ZC3H3: variants seen among roughly 807,000 people sequenced by gnomAD.
ZC3H3 encodes the protein zinc finger CCCH domain-containing protein 3.
ZC3H3 carries 36 observed loss-of-function variants against 77.3 expected under a neutral mutation model. The observed-to-expected ratio is 0.47, with a 90% confidence interval of 0.36 to 0.61. ZC3H3 has a LOEUF of 0.61. ZC3H3 is among the 20% of genes least tolerant of loss of function. ZC3H3 has a pLI of 0.00. For synonymous variants in ZC3H3, 626 were observed against 555.2 expected, an observed-to-expected ratio of 1.13 and a Z score of -1.79; for missense variants, 1,331 against 1,312.2, an observed-to-expected ratio of 1.01 and a Z score of -0.22.
chr8:143,507,761 C>T lies in ZC3H3; in HGVS notation c.1700G>A (p.Arg567Gln), dbSNP rs373480939. The T allele has an allele frequency of 3.4e-5, 53 of 1,581,734 alleles. No individual in the cohort carries two copies. Among genetic ancestry groups the T allele is most frequent in the Admixed American group, 1.7e-4 (10 of 59,086 alleles). Residue 567 changes from arginine (R) to glutamine (Q), a missense_variant, in exon 4 of 12, where the codon CGG (arginine) becomes CAG (glutamine). By Grantham distance (43) the Arg-to-Gln change is conservative. This residue lies in a region of ZC3H3 where 978 missense variants were observed against 915.5 expected (regional missense o/e 1.07). Coordinates refer to ENST00000262577, the MANE Select transcript of ZC3H3 (RefSeq NM_015117.3). Reference sequence around the variant, plus strand: ...GCCTTCCTACCTGGATAGTGAGAGCCGCCGGGCCCGCCAGGAGGGCAGAGA... The same window carrying T: ...GCCTTCCTACCTGGATAGTGAGAGCTGCCGGGCCCGCCAGGAGGGCAGAGA... The part of the protein sequence containing the change: ...PLSLPSWRAR[R>Q]LSLSRSLVLN...
intron 4 of ZC3H3, among the ~76,000 whole-genome samples, chr8:143,478,561 G>A (rs563726116): frequency 3.6e-4 from 55 of 152,362 alleles, no homozygotes; most frequent in Middle Eastern, 3.4e-3. Flanking sequence ...CCAGGCTAGA[G>A]TGCAATGGTG....
chr8:143,538,536 G>A lies in ZC3H3; in HGVS notation c.831C>T (p.Gly277=). The change falls in exon 2 of 12, where the codon GGC becomes GGT. Residue 277 remains glycine, a synonymous_variant. Transcript: ENST00000262577. ...CCGGTCTGGCGGGGCCCCCCACTGA[G>A]CCAGACGGAACTGGCTGATCTGTGT... is the stretch of plus-strand genomic sequence containing the variant. ...AGHTDQPVPS[G]SVGGPARPAS... is the part of the protein sequence containing the mutation. 6 of 1,612,046 alleles carry A rather than the reference G, an allele frequency of 3.7e-6. No homozygotes were observed. In the South Asian group the frequency reaches 5.5e-5, roughly 15 times the overall value.
chr8:143,476,034 C>T (rs1025207110), intron 4 of ZC3H3, among the ~76,000 whole-genome samples: 12 of 152,186 alleles, frequency 7.9e-5, no homozygotes, highest in Admixed American at 2.6e-4. Flanking sequence ...AAGGTGTCTG[C>T]GTGTTGGTGA....
intron 5 of ZC3H3, among the ~76,000 whole-genome samples, chr8:143,471,841 T>C (rs1820574443): frequency 1.3e-5 from 2 of 152,250 alleles, no homozygotes; most frequent in South Asian, 4.1e-4. Flanking sequence ...ATTTCTTTAA[T>C]TATTATTCCT....
chr8:143,447,288 C>T lies in ZC3H3; in HGVS notation c.2308-6168G>A, dbSNP rs79749075. On this transcript the variant is annotated intron_variant, in intron 9 of 11. Coordinates refer to ENST00000262577, the MANE Select transcript of ZC3H3 (RefSeq NM_015117.3). ...CCCCAGCAGAGTTGCCAGCTTCCTT[C>T]CCACTGTCCAAAATCAAAGCTGCCC... 4.8e-4 allele frequency among the ~76,000 whole-genome samples: 73 copies of T among 152,354 alleles called. No individual in the cohort carries two copies. In the East Asian group the frequency reaches 0.012, roughly 25 times the overall value.
intron 3 of ZC3H3, among the ~76,000 whole-genome samples, chr8:143,508,846 C>T (rs1437697156): frequency 2.0e-5 from 3 of 152,172 alleles, no homozygotes; most frequent in Non-Finnish European, 4.4e-5. Context: ...CTGCCCAGGA[C>T]ACACCCTCTT....
chr8:143,477,756 C>G (rs1371894053), intron 4 of ZC3H3, among the ~76,000 whole-genome samples: 1 of 152,230 alleles, frequency 6.6e-6, no homozygotes, highest in Non-Finnish European at 1.5e-5. Flanking sequence ...GCCCAGGGCC[C>G]TGCACCAGCC....
chr8:143,483,452 T>C (rs1453441958), intron 4 of ZC3H3, among the ~76,000 whole-genome samples: 1 of 152,142 alleles, frequency 6.6e-6, no homozygotes, highest in Non-Finnish European at 1.5e-5. Flanking sequence ...GAGGTGGTTC[T>C]ACTGGACAGA....
At chr8:143,524,450 C>T (rs1435619791) in intron 3 of ZC3H3, among the ~76,000 whole-genome samples, 3 of 152,238 alleles carry the variant, frequency 2.0e-5, no homozygotes, top group Non-Finnish European at 2.9e-5. Context: ...TCAGACACAC[C>T]CGGCCGAGGG....
chr8:143,468,455 G>T lies in ZC3H3; in HGVS notation c.2032C>A (p.Arg678Ser). 1 of 1,610,318 alleles carries T rather than the reference G, an allele frequency of 6.2e-7. No homozygotes were observed. Among genetic ancestry groups the T allele is most frequent in the Non-Finnish European group, 8.5e-7 (1 of 1,178,932 alleles). The change falls in exon 7 of 12, where the codon CGC (arginine) becomes AGC (serine). Residue 678 changes from arginine to serine, a missense_variant. Arg to Ser is a moderately radical substitution (Grantham distance 110). Transcript: ENST00000262577. ...TCGCCACGGTTGCACCTGCCGAAGCGGTTGTAGTACATGCAGTACTCCTTC... is the reference window on the plus strand; with the variant it reads ...TCGCCACGGTTGCACCTGCCGAAGCTGTTGTAGTACATGCAGTACTCCTTC... Reference protein sequence around the residue: ...KRKEYCMYYNRFGRCNRGERC... With the variant: ...KRKEYCMYYNSFGRCNRGERC...
chr8:143,528,151 C>T (rs1822479719), intron 3 of ZC3H3, among the ~76,000 whole-genome samples: 1 of 152,220 alleles, frequency 6.6e-6, no homozygotes, highest in African/African-American at 2.4e-5. Flanking sequence ...CAAGCCCACC[C>T]TGGCAACCAC....
intron 5 of ZC3H3, among the ~76,000 whole-genome samples, chr8:143,471,611 G>A (rs922219000): frequency 3.3e-5 from 5 of 152,236 alleles, no homozygotes; most frequent in African/African-American, 9.6e-5. Flanking sequence ...TCTGTGGGGA[G>A]GGACCCTGGA....
chr8:143,475,240 G>C (rs907912573), intron 5 of ZC3H3, among the ~76,000 whole-genome samples, 158 bp downstream of exon 5: 4 of 152,226 alleles, frequency 2.6e-5, no homozygotes, highest in Non-Finnish European at 5.9e-5. Flanking sequence ...CTGGCTCCCT[G>C]GGAGCATGAG....
Position 143,461,746 on chromosome 8 carries a change from T to G in ZC3H3, c.2307+3971A>C, listed in dbSNP as rs142382151. Among the ~76,000 whole-genome samples the G allele has an allele frequency of 6.8e-3, 1,037 of 152,080 alleles. 8 individuals are homozygous for G. The highest frequency in any genetic ancestry group is 0.023 in the African/African-American group (934 of 41,454). Reference sequence around the variant, plus strand: ...GCCAAACAACCATGTACTGTATGATTCCAGCAACACGAAAGGCCCACAGAA... The same window carrying G: ...GCCAAACAACCATGTACTGTATGATGCCAGCAACACGAAAGGCCCACAGAA... On this transcript the variant is annotated intron_variant, in intron 9 of 11. Coordinates refer to ENST00000262577, the MANE Select transcript of ZC3H3 (RefSeq NM_015117.3).
rs116930274 is a variant in ZC3H3 at position 143,507,879 on chromosome 8, G to T, written c.1582C>A (p.Arg528=). The part of the protein sequence containing the change: ...TKEASSLHAV[R]TAPTSKVIKT... ...ATCACCTTGCTGGTGGGTGCAGTCC[G>T]CACGGCATGCAGGCTGGACGCTGTA... is the stretch of plus-strand genomic sequence containing the variant. Residue 528 remains arginine, a synonymous_variant, in exon 4 of 12, where the codon CGG becomes AGG. Coordinates refer to ENST00000262577, the MANE Select transcript of ZC3H3 (RefSeq NM_015117.3). 2 of 1,600,650 alleles carry T rather than the reference G, an allele frequency of 1.2e-6. No homozygotes were observed. The highest frequency in any genetic ancestry group is 1.7e-4 in the Middle Eastern group (1 of 5,994).
intron 5 of ZC3H3, among the ~76,000 whole-genome samples, 157 bp downstream of exon 5, chr8:143,475,241 G>A (rs940792331): frequency 1.3e-5 from 2 of 152,232 alleles, no homozygotes; most frequent in South Asian, 4.1e-4. Flanking sequence ...TGGCTCCCTG[G>A]GAGCATGAGG....
At chr8:143,454,063 C>T (rs906035403) in intron 9 of ZC3H3, among the ~76,000 whole-genome samples, 1 of 144,950 alleles carries the variant, frequency 6.9e-6, no homozygotes, top group African/African-American at 2.6e-5. Context: ...CAGAAATAAA[C>T]AATTCATAAC....
chr8:143,516,701 G>A (rs1822063076), intron 3 of ZC3H3, among the ~76,000 whole-genome samples: 1 of 152,092 alleles, frequency 6.6e-6, no homozygotes, highest in South Asian at 2.1e-4. Flanking sequence ...TGGGAGGCTG[G>A]GCCCCAGCAC....
At chr8:143,479,705 C>G (rs185769837) in intron 4 of ZC3H3, among the ~76,000 whole-genome samples, 2 of 152,318 alleles carry the variant, frequency 1.3e-5, no homozygotes, top group African/African-American at 2.4e-5. Flanking sequence ...AAGCAGCCAG[C>G]CAATTTACTC....
Sources: gnomAD v4.1 joint callset for allele counts (sites outside exome capture counted in the v4.1 genomes callset) on GRCh38, gnomAD v4.1.1 for gene constraint, gnomAD v4.1.1 regional missense constraint, MANE v1.5 for transcripts, NCBI Gene and HGNC (gene_info 2026-07-23, HGNC 2026-07-21) for gene names.